SGK1: variants seen among roughly 807,000 people sequenced by gnomAD.
SGK1 encodes the protein serum/glucocorticoid regulated kinase 1.
SGK1 carries 26 observed loss-of-function variants against 64.2 expected under a neutral mutation model. That is an observed-to-expected ratio of 0.40 (90% CI 0.30 to 0.56). SGK1 has a LOEUF of 0.56. Ranked by LOEUF, SGK1 falls within the 20% of genes least tolerant of loss-of-function variation. SGK1 has a pLI of 0.38. For missense variants in SGK1, 519 were observed against 645.6 expected, an observed-to-expected ratio of 0.80 and a Z score of 2.12; for synonymous variants, 265 against 239.7, an observed-to-expected ratio of 1.11 and a Z score of -0.98.
chr6:134,254,390 G>A (rs1776650368), intron 2 of SGK1, among the ~76,000 whole-genome samples: 1 of 152,126 alleles, frequency 6.6e-6, no homozygotes, highest in Admixed American at 6.6e-5. Flanking sequence ...TTTCCTCCAA[G>A]TGCCTTTATT....
At position 134,197,551 on chromosome 6, in the gene SGK1, C is replaced by T. The variant is rs370797825; in HGVS notation, c.361+9805G>A. Among the ~76,000 whole-genome samples the T allele has an allele frequency of 1.1e-4, 16 of 152,076 alleles. 1 individual carries two copies. The highest frequency in any genetic ancestry group is 5.8e-4 in the East Asian group (3 of 5,158). On this transcript the variant is annotated intron_variant, in intron 3 of 13. Coordinates refer to ENST00000367858, the MANE Select transcript of SGK1 (RefSeq NM_001143676.3). The stretch of plus-strand genomic sequence containing the variant: ...ACATAAAAAGCAAAAGTAGGCCGGG[C>T]GTGGTGGTTCACACCTGTAATCCCA...
chr6:134,262,207 G>A lies in SGK1; in HGVS notation c.70-59C>T, dbSNP rs1582749498. 16 of 1,305,652 alleles carry A rather than the reference G, an allele frequency of 1.2e-5. No homozygotes were observed. The East Asian group carries it at 2.6e-4, about 21-fold the overall frequency. The allele number at this position is 1,305,652 out of a possible 1,614,324, so 80.9% of individuals were successfully genotyped here. ...TGTTTGACTCCCTTTGATGTTTATT[G>A]GGGATTTGGTGGGAAATCTGGTGGG... On this transcript the variant is annotated intron_variant, in intron 1 of 13. Coordinates refer to ENST00000367858, the MANE Select transcript of SGK1 (RefSeq NM_001143676.3).
intron 3 of SGK1, among the ~76,000 whole-genome samples, chr6:134,202,928 G>A (rs921314567): frequency 6.6e-6 from 1 of 152,150 alleles, no homozygotes; most frequent in Non-Finnish European, 1.5e-5. Flanking sequence ...AAATTTTGAC[G>A]ATGGTCTATG....
At chr6:134,297,903 C>T in intron 1 of SGK1, 2 of 809,954 alleles carry the variant, frequency 2.5e-6, no homozygotes, top group Non-Finnish European at 4.4e-6. Flanking sequence ...CTCACTCCGG[C>T]TGCGGTTGGT....
In SGK1 at chr6:134,175,027, C is replaced by T. The variant is rs1775180374; in HGVS notation, c.362-441G>A. 7 of 848,424 alleles carry T rather than the reference C, an allele frequency of 8.3e-6. No individual in the cohort carries two copies. The South Asian group carries it at 1.7e-4, about 21-fold the overall frequency. 52.6% of individuals were successfully genotyped at this position (848,424 alleles called of 1,614,324 possible). A position where few individuals can be genotyped will look rare whatever the true frequency, so the allele number is the denominator to read the frequency against. ...CTGCCTGCGGCGGGCGGTTCTGTCCCCATTGAGAGGGCGAGCCCCGGGCGG... is the reference window on the plus strand; with the variant it reads ...CTGCCTGCGGCGGGCGGTTCTGTCCTCATTGAGAGGGCGAGCCCCGGGCGG... On this transcript the variant is annotated intron_variant, in intron 3 of 13. Coordinates refer to ENST00000367858, the MANE Select transcript of SGK1 (RefSeq NM_001143676.3).
Position 134,170,813 on chromosome 6 carries a change from G to A in SGK1, c.1413+13C>T, listed in dbSNP as rs756947517. ...TGGGCTTCTCTATACTTAGAAGAGA[G>A]ACAGATACTCACCACATTTGGGTTA... On this transcript the variant is annotated intron_variant, in intron 13 of 13. Coordinates refer to ENST00000367858, the MANE Select transcript of SGK1 (RefSeq NM_001143676.3). The A allele has an allele frequency of 9.8e-6, 15 of 1,530,858 alleles. No homozygotes were observed. In the East Asian group the frequency reaches 2.9e-4, roughly 30 times the overall value. 94.8% of individuals were successfully genotyped at this position (1,530,858 alleles called of 1,614,324 possible). A position where few individuals can be genotyped will look rare whatever the true frequency, so the allele number is the denominator to read the frequency against.
intron 2 of SGK1, among the ~76,000 whole-genome samples, chr6:134,239,621 G>C (rs749556755): frequency 6.6e-6 from 1 of 152,164 alleles, no homozygotes; most frequent in African/African-American, 2.4e-5. Flanking sequence ...CAAAAGAATG[G>C]ATGACCAAAG....
intron 1 of SGK1, among the ~76,000 whole-genome samples, chr6:134,284,999 C>A (rs902845254): frequency 1.3e-5 from 2 of 152,176 alleles, no homozygotes; most frequent in South Asian, 2.1e-4. Flanking sequence ...TATAAATATG[C>A]ATGTTCATGT....
intron 2 of SGK1, among the ~76,000 whole-genome samples, chr6:134,245,034 C>T (rs183350688): frequency 4.6e-5 from 7 of 152,360 alleles, no homozygotes; most frequent in Admixed American, 4.6e-4. Context: ...CCTTGGCCTC[C>T]CAAAGTGCTG....
chr6:134,174,263 T>C, intron 4 of SGK1, 183 bp from the exon 5 acceptor site: 5 of 605,652 alleles, frequency 8.3e-6, no homozygotes, highest in Non-Finnish European at 1.5e-5. Flanking sequence ...GAAATAAGGA[T>C]TGTTGCTCAT....
chr6:134,309,335 T>C (rs1163781343), intron 1 of SGK1, among the ~76,000 whole-genome samples: 1 of 152,208 alleles, frequency 6.6e-6, no homozygotes, highest in Admixed American at 6.5e-5. Flanking sequence ...GCACCGAACT[T>C]GCCTTACTGT....
At chr6:134,305,240 G>C (rs972038750) in intron 1 of SGK1, among the ~76,000 whole-genome samples, 2 of 151,502 alleles carry the variant, frequency 1.3e-5, no homozygotes, top group Admixed American at 1.3e-4. Flanking sequence ...GTGCTTGTAG[G>C]CCCACCTACT....
At chr6:134,257,033 G>A (rs544642738) in intron 2 of SGK1, 39 of 152,418 alleles carry the variant, frequency 2.6e-4, no homozygotes, top group Middle Eastern at 3.4e-3. Context: ...CCCACAGCCC[G>A]TGTCTACGGC....
At chr6:134,195,325 C>T (rs558913099) in intron 3 of SGK1, among the ~76,000 whole-genome samples, 1 of 152,264 alleles carries the variant, frequency 6.6e-6, no homozygotes, top group South Asian at 2.1e-4. Context: ...ATTGTAAGTT[C>T]CACAAACGCA....
intron 1 of SGK1, among the ~76,000 whole-genome samples, chr6:134,294,808 G>A (rs559990550): frequency 7.9e-5 from 12 of 152,288 alleles, no homozygotes; most frequent in African/African-American, 1.7e-4. Context: ...GAATACAGGC[G>A]TGAGCTACCA....
intron 2 of SGK1, among the ~76,000 whole-genome samples, chr6:134,227,943 CTTTTTTTTTTTTTT>C (rs869082001): frequency 2.9e-5 from 2 of 69,730 alleles, no homozygotes; most frequent in South Asian, 7.6e-4. Flanking sequence ...GGAATTCATT[CTTTTTTTTTTTTTT>C]TTTTTTTTTT....
intron 2 of SGK1, among the ~76,000 whole-genome samples, chr6:134,241,048 C>CTTTTTTTTTTTTTTTTT (rs10686058): frequency 1.3e-5 from 1 of 74,078 alleles, no homozygotes; most frequent in African/African-American, 3.5e-5. Context: ...TTCTTTTTTT[C>CTTTTTTTTTTTTTTTTT]TTTTTTTTTT....
At chr6:134,218,179 G>A (rs562142496) in intron 2 of SGK1, among the ~76,000 whole-genome samples, 5 of 152,268 alleles carry the variant, frequency 3.3e-5, no homozygotes, top group Non-Finnish European at 5.9e-5. Flanking sequence ...AGAGGGTAAC[G>A]TAACTTGTGT....
intron 1 of SGK1, among the ~76,000 whole-genome samples, chr6:134,279,672 G>A (rs1386036457): frequency 6.6e-6 from 1 of 151,994 alleles, no homozygotes; most frequent in Non-Finnish European, 1.5e-5. Flanking sequence ...AAGTCATTCT[G>A]CTATATGGGA....
Sources: gnomAD v4.1 joint callset for allele counts (sites outside exome capture counted in the v4.1 genomes callset) on GRCh38, gnomAD v4.1.1 for gene constraint, MANE v1.5 for transcripts, NCBI Gene and HGNC (gene_info 2026-07-23, HGNC 2026-07-21) for gene names.